CCDC47: variants seen among roughly 807,000 people sequenced by gnomAD.
CCDC47 encodes PAT complex subunit CCDC47.
A neutral mutation model predicts 60.5 loss-of-function variants in CCDC47; 41 were observed. The observed-to-expected ratio is 0.68, with a 90% confidence interval of 0.53 to 0.88. The LOEUF (loss-of-function observed/expected upper bound fraction) is 0.88, where lower values mean the gene tolerates loss of function less well. Among genes scored for constraint, CCDC47 ranks in the 40% least tolerant of loss-of-function variants. The probability of loss-of-function intolerance (pLI) is 0.00; values close to 1 mark genes in which losing one functional copy is unlikely to be tolerated. For missense variants in CCDC47, 513 were observed against 580.9 expected (o/e 0.88, Z 1.20); for synonymous variants, 195 against 190.7 (o/e 1.02, Z -0.18).
At chr17:63,772,773 T>C (rs143652837) in intron 1 of CCDC47, 48 of 152,386 alleles carry the variant, frequency 3.1e-4, no homozygotes, top group African/African-American at 9.6e-4. Flanking sequence ...CAAGCCATTT[T>C]TACCTTGGTT....
At chr17:63,753,706 C>T in intron 9 of CCDC47, 3 of 822,666 alleles carry the variant, frequency 3.6e-6, no homozygotes, top group Non-Finnish European at 4.4e-6. Context: ...GATACAATCA[C>T]TTAACTATTC....
chr17:63,759,782 G>A (rs929857978), intron 6 of CCDC47, among the ~76,000 whole-genome samples: 4 of 150,904 alleles, frequency 2.7e-5, no homozygotes, highest in Non-Finnish European at 5.9e-5. Flanking sequence ...AAAGAATGAA[G>A]AGGCCGGGTG....
At chr17:63,752,487 C>T in intron 10 of CCDC47, 58 bp from the exon 11 acceptor site, 1 of 1,172,880 alleles carries the variant, frequency 8.5e-7, no homozygotes, top group Non-Finnish European at 1.2e-6. Flanking sequence ...ATTTCCAGGT[C>T]ACCCAACTCT....
chr17:63,763,285 G>C (rs1370822435), intron 4 of CCDC47, among the ~76,000 whole-genome samples: 1 of 152,146 alleles, frequency 6.6e-6, no homozygotes, highest in East Asian at 1.9e-4. Context: ...CAATTTGGGA[G>C]GCCAAGGCAG....
intron 1 of CCDC47, among the ~76,000 whole-genome samples, chr17:63,768,203 T>A (rs993962597): frequency 1.3e-5 from 2 of 152,340 alleles, no homozygotes; most frequent in Admixed American, 1.3e-4. Flanking sequence ...TGTAATTAAA[T>A]GTACCTTCAC....
At chr17:63,771,057 A>AAAGAAAGAAAGAAAGAAAGG (rs1307297613) in intron 1 of CCDC47, among the ~76,000 whole-genome samples, 3 of 138,946 alleles carry the variant, frequency 2.2e-5, no homozygotes, top group Non-Finnish European at 4.8e-5. Flanking sequence ...AGAAAGAAAG[A>AAAGAAAGAAAGAAAGAAAGG]AAGAAATTAA....
At chr17:63,756,886 T>C (rs548740942) in intron 6 of CCDC47, among the ~76,000 whole-genome samples, 2 of 152,132 alleles carry the variant, frequency 1.3e-5, no homozygotes, top group East Asian at 1.9e-4. Flanking sequence ...TATGGGAAGG[T>C]TGGCGGTAGG....
intron 2 of CCDC47, 190 bp from the exon 3 acceptor site, chr17:63,765,037 A>C (rs1490922129): frequency 2.3e-6 from 2 of 866,092 alleles, no homozygotes; most frequent in Non-Finnish European, 2.8e-6. Context: ...CTGAAGACCT[A>C]ATGTGCAGCA....
intron 12 of CCDC47, chr17:63,747,814 T>C (rs1025584559): frequency 1.0e-6 from 1 of 984,222 alleles, no homozygotes; most frequent in Non-Finnish European, 1.2e-6. Context: ...AAAGGGTGAT[T>C]TGTAAATTCC....
At chr17:63,760,875 T>A (rs1417323311) in intron 6 of CCDC47, 39 bp downstream of exon 6, 5 of 1,339,114 alleles carry the variant, frequency 3.7e-6, no homozygotes, top group Admixed American at 2.1e-5. Flanking sequence ...AACAAATAAT[T>A]CAGTCTGTAC....
In CCDC47 at chr17:63,759,491, A is replaced by AAG. The variant is rs2039232983; in HGVS notation, c.735+1422_735+1423insCT. Among the ~76,000 whole-genome samples, 2 of 16,410 alleles carry AAG rather than the reference A, an allele frequency of 1.2e-4. 1 individual carries two copies. Among genetic ancestry groups the AAG allele is most frequent in the Admixed American group, 1.6e-3 (2 of 1,260 alleles). The allele number at this position is 16,410 out of a possible 152,430, so 10.8% of individuals were successfully genotyped here. On this transcript the variant is annotated intron_variant, in intron 6 of 12. Coordinates refer to ENST00000225726, the MANE Select transcript of CCDC47 (RefSeq NM_020198.3). ...GTGATAGAGTGAGATTCTGTCTCCCAAAAAAAAAAAAAAAAAAATATATAT... is the reference window on the plus strand; with the variant it reads ...GTGATAGAGTGAGATTCTGTCTCCCAAGAAAAAAAAAAAAAAAAAATATATAT...
intron 8 of CCDC47, among the ~76,000 whole-genome samples, chr17:63,755,113 G>A (rs184763920): frequency 2.6e-5 from 4 of 151,984 alleles, no homozygotes; most frequent in Admixed American, 6.6e-5. Context: ...TGGGACTAAA[G>A]GAACACACAA....
chr17:63,747,078 C>A, intron 12 of CCDC47, 117 bp from the exon 13 acceptor site: 1 of 1,450,936 alleles, frequency 6.9e-7, no homozygotes, highest in Admixed American at 2.6e-5. Flanking sequence ...TAGTATTATT[C>A]AAAAACTTAG....
At chr17:63,763,596 T>C (rs894715649) in intron 4 of CCDC47, among the ~76,000 whole-genome samples, 11 of 151,820 alleles carry the variant, frequency 7.2e-5, no homozygotes, top group South Asian at 6.2e-4. Context: ...GAGGCCGAGG[T>C]GGGTGGACCA....
At chr17:63,769,749 C>G (rs1464846838) in intron 1 of CCDC47, among the ~76,000 whole-genome samples, 2 of 151,896 alleles carry the variant, frequency 1.3e-5, no homozygotes, top group African/African-American at 2.4e-5. Context: ...AATACACTAA[C>G]ACTAATGATA....
intron 4 of CCDC47, 48 bp from the exon 5 acceptor site, chr17:63,761,399 G>A (rs376937997): frequency 2.2e-5 from 35 of 1,609,898 alleles, no homozygotes; most frequent in Middle Eastern, 1.6e-4. Flanking sequence ...TGTCAAGGCC[G>A]GGCCGGGGGT....
At chr17:63,756,692 G>T in intron 6 of CCDC47, 122 bp from the exon 7 acceptor site, 1 of 658,722 alleles carries the variant, frequency 1.5e-6, no homozygotes, top group Non-Finnish European at 2.7e-6. Context: ...AAGTGATTGG[G>T]ATTTGCAAAT....
chr17:63,760,836 CAAAAA>C (rs374704881), intron 6 of CCDC47, 73 bp downstream of exon 6: 858 of 793,040 alleles, frequency 1.1e-3, no homozygotes, highest in Middle Eastern at 1.8e-3. Flanking sequence ...GAGACTCCAT[CAAAAA>C]AAAAAAAAAA....
At chr17:63,764,300 T>C in intron 3 of CCDC47, 110 bp from the exon 4 acceptor site, 1 of 786,296 alleles carries the variant, frequency 1.3e-6, no homozygotes, top group Non-Finnish European at 2.0e-6. Context: ...ACTTCAGATA[T>C]CTGTCATTGA....
Sources: gnomAD v4.1 joint callset for allele counts (sites outside exome capture counted in the v4.1 genomes callset) on GRCh38, gnomAD v4.1.1 for gene constraint, MANE v1.5 for transcripts, NCBI Gene and HGNC (gene_info 2026-07-23, HGNC 2026-07-21) for gene names.